The following HEATR3 variants were observed in gnomAD, a reference collection of about 807,000 sequenced individuals.
The protein encoded by HEATR3 is HEAT repeat containing 3.
A neutral mutation model predicts 72.8 loss-of-function variants in HEATR3; 56 were observed. The ratio of observed to expected loss-of-function variants is 0.77; its 90% CI spans 0.62 to 0.96. The LOEUF (loss-of-function observed/expected upper bound fraction) is 0.96, where lower values mean the gene tolerates loss of function less well. Ranked by LOEUF, HEATR3 falls within the 40% of genes least tolerant of loss-of-function variation. The probability of loss-of-function intolerance (pLI) is 0.00; values close to 1 mark genes in which losing one functional copy is unlikely to be tolerated. For synonymous variants in HEATR3, 331 were observed against 318.1 expected (o/e 1.04, Z -0.43); for missense variants, 747 against 831.4 (o/e 0.90, Z 1.25).
intron 13 of HEATR3, among the ~76,000 whole-genome samples, chr16:50,101,132 A>G (rs1239388691): frequency 3.6e-5 from 5 of 139,486 alleles, no homozygotes; most frequent in Non-Finnish European, 7.7e-5. Flanking sequence ...TTTTTTTCTG[A>G]GATGGAGTCT....
chr16:50,067,956 AAGAGGGTAC>A (rs1472752259), intron 2 of HEATR3, among the ~76,000 whole-genome samples: 2 of 152,194 alleles, frequency 1.3e-5, no homozygotes, highest in Non-Finnish European at 2.9e-5. Flanking sequence ...AGGGTGCTAA[AAGAGGGTAC>A]AAACAAAGGG....
chr16:50,067,214 G>C (rs890506776), intron 2 of HEATR3, among the ~76,000 whole-genome samples: 2 of 152,072 alleles, frequency 1.3e-5, no homozygotes, highest in East Asian at 1.9e-4. Flanking sequence ...AATTAGTCGG[G>C]CATGGTGGTG....
Position 50,075,701 on chromosome 16 carries a change from A to G in HEATR3, c.753A>G (p.Thr251=), listed in dbSNP as rs1172784090. The change falls in exon 6 of 15, where the codon ACA becomes ACG. Residue 251 remains threonine (T), a synonymous_variant. Transcript: ENST00000299192. ...VSSMESLLLK[T]LVAGTIWNLK... ...CCATGGAATCTCTTCTATTGAAGAC[A>G]TTGGTAGCAGGTAAAATTTAGCCTT... 1 of 1,612,108 alleles carries G rather than the reference A, an allele frequency of 6.2e-7. No individual in the cohort carries two copies. The highest frequency in any genetic ancestry group is 2.2e-5 in the East Asian group (1 of 44,828).
In HEATR3 at chr16:50,084,133, G is replaced by T. The variant is rs2036933675; in HGVS notation, c.1133-1G>T. Reference sequence around the variant, plus strand: ...TTCTGCGTGGTTTGCCCGCTTCCCAGATCCCTCTGATGACGAATGGGAAGA... The same window carrying T: ...TTCTGCGTGGTTTGCCCGCTTCCCATATCCCTCTGATGACGAATGGGAAGA... On this transcript the variant is annotated splice_acceptor_variant, in intron 8 of 14. Coordinates refer to ENST00000299192, the MANE Select transcript of HEATR3 (RefSeq NM_182922.4). LOFTEE classifies it high-confidence loss of function. 2 of 1,614,110 alleles carry T rather than the reference G, an allele frequency of 1.2e-6. No individual in the cohort carries two copies. Among genetic ancestry groups the T allele is most frequent in the Non-Finnish European group, 1.7e-6 (2 of 1,180,018 alleles).
intron 14 of HEATR3, 41 bp downstream of exon 14, chr16:50,102,476 T>A: frequency 6.3e-7 from 1 of 1,577,442 alleles, no homozygotes; most frequent in Non-Finnish European, 8.7e-7. Flanking sequence ...AGTCTGAACA[T>A]TCTGTGGGGA....
intron 6 of HEATR3, among the ~76,000 whole-genome samples, chr16:50,077,877 A>ATTTTTT (rs56374170): frequency 0.03 from 3,087 of 104,236 alleles, 315 homozygotes; most frequent in African/African-American, 0.11. Context: ...AATGGATGTA[A>ATTTTTT]TTTTTTTTTT....
intron 7 of HEATR3, among the ~76,000 whole-genome samples, chr16:50,081,086 A>T (rs1280664461): frequency 6.6e-6 from 1 of 152,214 alleles, no homozygotes; most frequent in East Asian, 1.9e-4. Context: ...TTATTTTCTT[A>T]TTACTTTTAT....
At chr16:50,081,959 T>G (rs757074736) in intron 7 of HEATR3, among the ~76,000 whole-genome samples, 2 of 152,236 alleles carry the variant, frequency 1.3e-5, no homozygotes, top group Admixed American at 1.3e-4. Flanking sequence ...TGGTTCTTTA[T>G]GTCAGCTTGA....
intron 3 of HEATR3, 53 bp downstream of exon 3, chr16:50,068,920 C>A: frequency 7.6e-7 from 1 of 1,313,280 alleles, no homozygotes; most frequent in Non-Finnish European, 1.1e-6. Context: ...CAAACTTAGA[C>A]TTTTTTTAGT....
intron 11 of HEATR3, among the ~76,000 whole-genome samples, chr16:50,094,114 C>T (rs148700413): frequency 5.4e-4 from 82 of 152,314 alleles, no homozygotes; most frequent in African/African-American, 1.6e-3. Context: ...GTCCCTTGCA[C>T]GTGCCTGTGC....
At chr16:50,077,542 C>T (rs947887676) in intron 6 of HEATR3, among the ~76,000 whole-genome samples, 1 of 152,174 alleles carries the variant, frequency 6.6e-6, no homozygotes, top group Admixed American at 6.5e-5. Context: ...TTTCATCTTG[C>T]AAAACTGAAA....
At position 50,066,276 on chromosome 16, in the gene HEATR3, C is replaced by A; in HGVS notation, c.138+7C>A. 1 of 1,572,010 alleles carries A rather than the reference C, an allele frequency of 6.4e-7. No individual in the cohort carries two copies. The highest frequency in any genetic ancestry group is 1.4e-5 in the African/African-American group (1 of 73,054). On this transcript the variant is annotated splice_region_variant and intron_variant, in intron 1 of 14. Coordinates refer to ENST00000299192, the MANE Select transcript of HEATR3 (RefSeq NM_182922.4). ...GGCGGAGCTGCTGGAAAAGGTGAGG[C>A]GAGGGCTCCGTCGGGCCGGGAGGCG... is the stretch of plus-strand genomic sequence containing the variant.
intron 11 of HEATR3, 94 bp from the exon 12 acceptor site, chr16:50,094,611 A>G: frequency 1.4e-6 from 1 of 691,128 alleles, no homozygotes; most frequent in South Asian, 2.2e-5. Context: ...AATAGCATTT[A>G]TTAACATTTA....
chr16:50,073,941 T>C (rs1287084638), intron 5 of HEATR3: 1 of 152,232 alleles, frequency 6.6e-6, no homozygotes, highest in Non-Finnish European at 1.5e-5. Flanking sequence ...AATGAACTTA[T>C]AAGATTCCAT....
Position 50,102,366 on chromosome 16 carries a change from C to G in HEATR3, c.1851C>G (p.Ala617=). 6.2e-7 allele frequency: 1 copy of G among 1,613,980 alleles called. No individual in the cohort carries two copies. Among genetic ancestry groups the G allele is most frequent in the South Asian group, 1.1e-5 (1 of 91,076 alleles). The change falls in exon 14 of 15, where the codon GCC becomes GCG. Residue 617 remains alanine (A), a synonymous_variant. Coordinates refer to ENST00000299192, the MANE Select transcript of HEATR3 (RefSeq NM_182922.4). ...ATGTTTTTGCAGATGGTAAAGAAGC[C>G]GAAAGAGCCTCGATTCAAATTAAAT... ...LFDVFADGKE[A]ERASIQIKLL...
rs992262203 is a variant in HEATR3, at chr16:50,106,613, G to T, written c.*1552G>T. ...GAGTTTCCCTGTGCATCATTGTCTC[G>T]GCTGGGCCTCTGAACCGGCTTCATT... On this transcript the variant is annotated 3_prime_UTR_variant, in exon 15 of 15. Transcript: ENST00000299192. The T allele has an allele frequency of 6.6e-6, 1 of 152,052 alleles. No homozygotes were observed. Among genetic ancestry groups the T allele is most frequent in the Non-Finnish European group, 1.5e-5 (1 of 68,034 alleles). The allele number at this position is 152,052 out of a possible 1,614,324, so 9.4% of individuals were successfully genotyped here. A position where few individuals can be genotyped will look rare whatever the true frequency, so the allele number is the denominator to read the frequency against.
At chr16:50,097,332 T>A (rs2037263834) in intron 12 of HEATR3, among the ~76,000 whole-genome samples, 1 of 123,366 alleles carries the variant, frequency 8.1e-6, no homozygotes, top group Non-Finnish European at 1.6e-5. Flanking sequence ...TTTTTTTACA[T>A]TTATTAGCTA....
At chr16:50,095,842 T>G (rs1407432836) in intron 12 of HEATR3, among the ~76,000 whole-genome samples, 1 of 152,158 alleles carries the variant, frequency 6.6e-6, no homozygotes, top group Non-Finnish European at 1.5e-5. Flanking sequence ...ATTAGACCCA[T>G]CAATATTTTA....
At chr16:50,081,515 CG>C (rs1161434659) in intron 7 of HEATR3, among the ~76,000 whole-genome samples, 2 of 150,204 alleles carry the variant, frequency 1.3e-5, no homozygotes, top group Admixed American at 6.7e-5. Context: ...GGTGGTGGGG[CG>C]GGGGGTAGAG....
Sources: gnomAD v4.1 joint callset for allele counts (sites outside exome capture counted in the v4.1 genomes callset) on GRCh38, gnomAD v4.1.1 for gene constraint, MANE v1.5 for transcripts, NCBI Gene and HGNC (gene_info 2026-07-23, HGNC 2026-07-21) for gene names.